The following HS6ST3 variants were observed in gnomAD, a reference collection of about 807,000 sequenced individuals.
HS6ST3 encodes heparan sulfate 6-O-sulfotransferase 3, also known as heparan-sulfate 6-O-sulfotransferase 3.
In HS6ST3, 12 loss-of-function variants were observed where a neutral mutation model predicts 36.7. The ratio of observed to expected loss-of-function variants is 0.33; its 90% CI spans 0.21 to 0.53. HS6ST3 has a LOEUF of 0.53. HS6ST3 is among the 20% of genes least tolerant of loss of function. The pLI, the probability that HS6ST3 is intolerant of heterozygous loss-of-function variation, is 0.95. For synonymous variants in HS6ST3, 240 were observed against 257.5 expected, an observed-to-expected ratio of 0.93 and a Z score of 0.65; for missense variants, 584 against 640.9, an observed-to-expected ratio of 0.91 and a Z score of 0.96.
At chr13:96,353,679 A>G (rs1427719025) in intron 1 of HS6ST3, among the ~76,000 whole-genome samples, 1 of 152,184 alleles carries the variant, frequency 6.6e-6, no homozygotes, top group Non-Finnish European at 1.5e-5. Context: ...ATAACAAACT[A>G]GGGAAAAACA....
At chr13:96,467,676 T>C (rs1314802483) in intron 1 of HS6ST3, among the ~76,000 whole-genome samples, 3 of 152,232 alleles carry the variant, frequency 2.0e-5, no homozygotes, top group Admixed American at 6.5e-5. Flanking sequence ...TAGCATTTCC[T>C]GTATGATAAC....
intron 1 of HS6ST3, among the ~76,000 whole-genome samples, chr13:96,279,716 T>A (rs2054765974): frequency 6.6e-6 from 1 of 152,186 alleles, no homozygotes; most frequent in Non-Finnish European, 1.5e-5. Flanking sequence ...ATCTCAGAAC[T>A]GCTCTTTTGT....
intron 1 of HS6ST3, among the ~76,000 whole-genome samples, chr13:96,578,801 G>C (rs945470699): frequency 4.6e-5 from 7 of 152,020 alleles, no homozygotes; most frequent in Non-Finnish European, 8.8e-5. Flanking sequence ...CTCAAGTCAT[G>C]AGCCACCGGG....
In HS6ST3 at chr13:96,325,118, G is replaced by T. The variant is rs560215384; in HGVS notation, c.707+233549G>T. 1.4e-3 allele frequency among the ~76,000 whole-genome samples: 208 copies of T among 152,228 alleles called. 2 individuals carry two copies. The highest frequency in any genetic ancestry group is 4.7e-3 in the African/African-American group (196 of 41,534). On this transcript the variant is annotated intron_variant, in intron 1 of 1. Transcript: ENST00000376705. ...AACATTCCCAGACATTCAATGAAAAGAAATATTTTTTCCACTTTTTATATG... is the reference window on the plus strand; with the variant it reads ...AACATTCCCAGACATTCAATGAAAATAAATATTTTTTCCACTTTTTATATG...
intron 1 of HS6ST3, among the ~76,000 whole-genome samples, chr13:96,483,192 G>C (rs1321139548): frequency 1.3e-5 from 2 of 152,192 alleles, no homozygotes; most frequent in Non-Finnish European, 2.9e-5. Context: ...TGTGGGAATG[G>C]TCAGATTTTG....
chr13:96,405,289 T>G (rs2055471898), intron 1 of HS6ST3, among the ~76,000 whole-genome samples: 1 of 152,242 alleles, frequency 6.6e-6, no homozygotes, highest in African/African-American at 2.4e-5. Flanking sequence ...GAGAACTTAG[T>G]TCATATAGAC....
chr13:96,297,801 G>A (rs1429855805), intron 1 of HS6ST3, among the ~76,000 whole-genome samples: 1 of 151,948 alleles, frequency 6.6e-6, no homozygotes, highest in Admixed American at 6.6e-5. Flanking sequence ...ACTTCTACTG[G>A]CATTCATAAG....
intron 1 of HS6ST3, among the ~76,000 whole-genome samples, chr13:96,629,317 A>G (rs1261462797): frequency 6.6e-6 from 1 of 152,178 alleles, no homozygotes; most frequent in Non-Finnish European, 1.5e-5. Flanking sequence ...TGTATTTGTC[A>G]TATATGTGCC....
At chr13:96,525,202 C>T (rs2138930485) in intron 1 of HS6ST3, among the ~76,000 whole-genome samples, 1 of 152,278 alleles carries the variant, frequency 6.6e-6, no homozygotes, top group East Asian at 1.9e-4. Flanking sequence ...CAACCTCTCT[C>T]CTCACACTAG....
intron 1 of HS6ST3, among the ~76,000 whole-genome samples, chr13:96,728,531 C>G (rs1423591608): frequency 1.3e-5 from 2 of 152,210 alleles, no homozygotes; most frequent in Non-Finnish European, 2.9e-5. Context: ...CTTCTACCCA[C>G]TCACTGTTTG....
chr13:96,258,763 A>G (rs1042254459), intron 1 of HS6ST3, among the ~76,000 whole-genome samples: 3 of 152,194 alleles, frequency 2.0e-5, no homozygotes. Context: ...TAATGGTCCA[A>G]CTGAATCCAT....
At chr13:96,646,865 C>A (rs981722684) in intron 1 of HS6ST3, among the ~76,000 whole-genome samples, 1 of 151,978 alleles carries the variant, frequency 6.6e-6, no homozygotes, top group East Asian at 1.9e-4. Flanking sequence ...GACTTTTTCC[C>A]CTTTTTCAAG....
chr13:96,775,700 G>C (rs765479509), intron 1 of HS6ST3, among the ~76,000 whole-genome samples: 6 of 152,004 alleles, frequency 3.9e-5, no homozygotes, highest in African/African-American at 1.2e-4. Flanking sequence ...AAGTTCTTAC[G>C]TACCTACAAA....
intron 1 of HS6ST3, among the ~76,000 whole-genome samples, chr13:96,287,750 T>A (rs1370482459): frequency 6.6e-6 from 1 of 152,190 alleles, no homozygotes; most frequent in Admixed American, 6.5e-5. Context: ...TCTTCCTTCT[T>A]AGCTTCTGTT....
chr13:96,254,101 A>G (rs2054620063), intron 1 of HS6ST3, among the ~76,000 whole-genome samples: 1 of 152,084 alleles, frequency 6.6e-6, no homozygotes, highest in East Asian at 1.9e-4. Context: ...CTTTTCCACC[A>G]TAGAGCAAAT....
chr13:96,627,543 A>G (rs1053692253), intron 1 of HS6ST3, among the ~76,000 whole-genome samples: 8 of 151,900 alleles, frequency 5.3e-5, no homozygotes, highest in Admixed American at 1.3e-4. Flanking sequence ...ACTCTCATAA[A>G]CATGTTACAG....
At chr13:96,126,890 C>T (rs1410424655) in intron 1 of HS6ST3, among the ~76,000 whole-genome samples, 1 of 152,118 alleles carries the variant, frequency 6.6e-6, no homozygotes, top group Non-Finnish European at 1.5e-5. Context: ...TCCTTCACCT[C>T]CTTTCCTCTA....
At chr13:96,358,939 C>A (rs1297431097) in intron 1 of HS6ST3, among the ~76,000 whole-genome samples, 1 of 151,604 alleles carries the variant, frequency 6.6e-6, no homozygotes, top group African/African-American at 2.4e-5. Flanking sequence ...ACACAGAGAG[C>A]AAATGTGGCA....
intron 1 of HS6ST3, among the ~76,000 whole-genome samples, chr13:96,789,238 CTATT>C (rs1166767245): frequency 4.0e-5 from 6 of 151,754 alleles, no homozygotes; most frequent in African/African-American, 1.4e-4. Context: ...TTTTTATAGT[CTATT>C]TAGACTTAAT....
Sources: gnomAD v4.1 joint callset for allele counts (sites outside exome capture counted in the v4.1 genomes callset) on GRCh38, gnomAD v4.1.1 for gene constraint, MANE v1.5 for transcripts, NCBI Gene and HGNC (gene_info 2026-07-23, HGNC 2026-07-21) for gene names.